The following RDX variants were observed in gnomAD, a reference collection of about 807,000 sequenced individuals.
RDX encodes the protein radixin.
In RDX, 32 loss-of-function variants were observed where a neutral mutation model predicts 83.7. That is an observed-to-expected ratio of 0.38 (90% CI 0.29 to 0.51). The LOEUF is 0.51. Among genes scored for constraint, RDX ranks in the 20% least tolerant of loss-of-function variants. The pLI, the probability that RDX is intolerant of heterozygous loss-of-function variation, is 0.87. For missense variants in RDX, 600 were observed against 689.9 expected (o/e 0.87, Z 1.46); for synonymous variants, 229 against 222.7 (o/e 1.03, Z -0.25).
At chr11:110,235,136 G>T (rs889121246) in intron 12 of RDX, among the ~76,000 whole-genome samples, 1 of 152,046 alleles carries the variant, frequency 6.6e-6, no homozygotes, top group African/African-American at 2.4e-5. Flanking sequence ...AGGGCTGCTT[G>T]AGGCCAGCAG....
intron 2 of RDX, among the ~76,000 whole-genome samples, chr11:110,275,163 A>G (rs1045208530): frequency 6.6e-6 from 1 of 152,224 alleles, no homozygotes; most frequent in African/African-American, 2.4e-5. Context: ...GATGACATCC[A>G]CATTTCTGTA....
chr11:110,292,280 G>A lies in RDX; in HGVS notation c.-65+4187C>T, dbSNP rs1051105689. 1.2e-4 allele frequency among the ~76,000 whole-genome samples: 18 copies of A among 150,866 alleles called. No individual in the cohort carries two copies. The South Asian group carries it at 1.3e-3, about 11-fold the overall frequency. Reference sequence around the variant, plus strand: ...TGCATTCCAGCCTGGGCAACAGAGCGAGACCCTGTCTTGGAAAAAAAAAAA... The same window carrying A: ...TGCATTCCAGCCTGGGCAACAGAGCAAGACCCTGTCTTGGAAAAAAAAAAA... On this transcript the variant is annotated intron_variant, in intron 1 of 13. Coordinates refer to ENST00000645495, the MANE Select transcript of RDX (RefSeq NM_002906.4).
At chr11:110,254,826 G>C (rs1327485042) in intron 8 of RDX, among the ~76,000 whole-genome samples, 1 of 152,062 alleles carries the variant, frequency 6.6e-6, no homozygotes, top group Admixed American at 6.6e-5. Context: ...TAGGATACTA[G>C]AGTATACTTG....
chr11:110,280,670 C>T lies in RDX; in HGVS notation c.-64-914G>A, dbSNP rs191892556. ...AACAACCTGCATTCAGCTAGCACAG[C>T]GGCTCACATCTGTAATCCCAACACT... On this transcript the variant is annotated intron_variant, in intron 1 of 13. Transcript: ENST00000645495. Among the ~76,000 whole-genome samples, 260 of 152,336 alleles carry T rather than the reference C, an allele frequency of 1.7e-3. 5 individuals are homozygous for T. Among genetic ancestry groups the T allele is most frequent in the Admixed American group, 0.016 (251 of 15,292 alleles).
chr11:110,288,861 CCT>C (rs1183233910), intron 1 of RDX, among the ~76,000 whole-genome samples: 3 of 152,114 alleles, frequency 2.0e-5, no homozygotes, highest in Admixed American at 6.5e-5. Flanking sequence ...GCAATAGTTT[CCT>C]CTCTTTTTTT....
chr11:110,288,255 C>G (rs1861067453), intron 1 of RDX: 1 of 152,114 alleles, frequency 6.6e-6, no homozygotes, highest in Non-Finnish European at 1.5e-5. Flanking sequence ...AATATTAACA[C>G]CAAAGTTTTA....
chr11:110,275,954 T>C (rs1406763104), intron 2 of RDX, among the ~76,000 whole-genome samples: 1 of 151,964 alleles, frequency 6.6e-6, no homozygotes, highest in Non-Finnish European at 1.5e-5. Context: ...CTGACTATTT[T>C]TTGTATTTTT....
rs545982704 is a variant in RDX, at chr11:110,182,780, G to A, written c.*32-7546C>T. Among the ~76,000 whole-genome samples, 15 of 152,252 alleles carry A rather than the reference G, an allele frequency of 9.9e-5. No individual in the cohort carries two copies. The South Asian group carries it at 1.7e-3, about 17-fold the overall frequency. ...TCAAGGCCAGGTGAGCAGGCTGTCC[G>A]GGGTAACAGGACATATGAATAGCAT... On this transcript the variant is annotated intron_variant, in intron 15 of 15. Coordinates refer to the RDX transcript ENST00000528498.
At chr11:110,212,128 C>T (rs1359109390) in intron 14 of RDX, among the ~76,000 whole-genome samples, 50 of 144,712 alleles carry the variant, frequency 3.5e-4, no homozygotes, top group South Asian at 2.1e-3. Flanking sequence ...ATCAAATAGA[C>T]GCAATAAAAA....
chr11:110,204,500 CTTTTT>C (rs796373402), intron 14 of RDX, among the ~76,000 whole-genome samples: 2 of 120,928 alleles, frequency 1.7e-5, no homozygotes, highest in African/African-American at 3.0e-5. Flanking sequence ...ACTTTTCTTT[CTTTTT>C]TTTTTTTCCT....
At chr11:110,189,338 G>A (rs1863060453) in intron 15 of RDX, among the ~76,000 whole-genome samples, 1 of 146,140 alleles carries the variant, frequency 6.8e-6, no homozygotes, top group South Asian at 2.1e-4. Context: ...ACATATATAT[G>A]CACCCAACAT....
chr11:110,229,731 C>T lies in RDX; in HGVS notation c.*2138G>A, dbSNP rs1173571713. Reference sequence around the variant, plus strand: ...GGATTAAATCCATTTTAATCCTAATCTACAAATAGATCATAAACAGCAAAA... The same window carrying T: ...GGATTAAATCCATTTTAATCCTAATTTACAAATAGATCATAAACAGCAAAA... On this transcript the variant is annotated 3_prime_UTR_variant, in exon 14 of 14. Transcript: ENST00000645495. 6.6e-6 allele frequency: 1 copy of T among 152,436 alleles called. No individual in the cohort carries two copies. The highest frequency in any genetic ancestry group is 6.6e-5 in the Admixed American group (1 of 15,266). The allele number at this position is 152,436 out of a possible 1,614,324, so 9.4% of individuals were successfully genotyped here. A position where few individuals can be genotyped will look rare whatever the true frequency, so the allele number is the denominator to read the frequency against.
At chr11:110,189,243 T>TAAAAAAAAAAAAAAAAAAAAAAAAA (rs35450797) in intron 15 of RDX, among the ~76,000 whole-genome samples, 24 of 35,586 alleles carry the variant, frequency 6.7e-4, no homozygotes, top group Non-Finnish European at 8.9e-4. Flanking sequence ...GAACAACAGG[T>TAAAAAAAAAAAAAAAAAAAAAAAAA]AAAAAAAAAA....
intron 14 of RDX, among the ~76,000 whole-genome samples, chr11:110,205,230 A>G (rs1400355742): frequency 2.0e-5 from 3 of 152,186 alleles, no homozygotes; most frequent in African/African-American, 7.2e-5. Flanking sequence ...TACCATGCAC[A>G]AAAGTTATTT....
chr11:110,289,218 A>T (rs2134447564), intron 1 of RDX, among the ~76,000 whole-genome samples: 1 of 150,532 alleles, frequency 6.6e-6, no homozygotes, highest in African/African-American at 2.5e-5. Flanking sequence ...AGCCTCGGCA[A>T]CAAGAGCAAA....
Position 110,233,299 on chromosome 11 carries a change from T to C in RDX, c.1525A>G (p.Arg509Gly), listed in dbSNP as rs1591133009. Residue 509 changes from arginine to glycine, a missense_variant, in exon 13 of 14, where the codon AGA (arginine) becomes GGA (glycine). Physicochemically the swap from Arg to Gly is moderately radical, Grantham distance 125. Coordinates refer to ENST00000645495, the MANE Select transcript of RDX (RefSeq NM_002906.4). The stretch of plus-strand genomic sequence containing the variant: ...TCGGTTACACGTTCTTCCTCGCTTC[T>C]ATGGTTCATTACCCCTTCATTTGAT... ...ELSNEGVMNH[R>G]SEEERVTETQ... 6.2e-7 allele frequency: 1 copy of C among 1,614,052 alleles called. No individual in the cohort carries two copies. The highest frequency in any genetic ancestry group is 8.5e-7 in the Non-Finnish European group (1 of 1,180,038).
intron 1 of RDX, among the ~76,000 whole-genome samples, chr11:110,291,790 T>C (rs887002673): frequency 3.9e-5 from 6 of 152,156 alleles, no homozygotes; most frequent in Admixed American, 2.0e-4. Flanking sequence ...GTCCTTGATG[T>C]CATTATTGAA....
At chr11:110,294,132 GCCTGTAAT>G (rs1861350762) in intron 1 of RDX, among the ~76,000 whole-genome samples, 1 of 152,258 alleles carries the variant, frequency 6.6e-6, no homozygotes, top group Non-Finnish European at 1.5e-5. Flanking sequence ...AGCGGCTCAT[GCCTGTAAT>G]CCCAGCACTT....
At chr11:110,213,091 T>C (rs1015540043) in intron 14 of RDX, among the ~76,000 whole-genome samples, 5 of 151,730 alleles carry the variant, frequency 3.3e-5, no homozygotes, top group Non-Finnish European at 7.4e-5. Flanking sequence ...AAAACCCCAT[T>C]GTCTCAGCCC....
Sources: allele counts gnomAD v4.1 joint callset (sites outside exome capture counted in the v4.1 genomes callset), GRCh38; gene constraint gnomAD v4.1.1; transcripts MANE v1.5; gene names NCBI Gene and HGNC (gene_info 2026-07-23, HGNC 2026-07-21).